The following PRUNE2 variants were observed in gnomAD, a reference collection of about 807,000 sequenced individuals.
PRUNE2 encodes the protein prune homolog 2 with BCH domain, also known as protein prune homolog 2.
A neutral mutation model predicts 252.0 loss-of-function variants in PRUNE2; 164 were observed. The ratio of observed to expected loss-of-function variants is 0.65; its 90% confidence interval spans 0.57 to 0.74. The LOEUF is 0.74. Ranked by LOEUF, PRUNE2 falls within the 30% of genes least tolerant of loss-of-function variation. The probability of loss-of-function intolerance (pLI) is 0.00; values close to 1 mark genes in which losing one functional copy is unlikely to be tolerated. For synonymous variants in PRUNE2, 1,292 were observed against 1,350.2 expected (o/e 0.96, Z 0.94); for missense variants, 3,495 against 3,711.0 (o/e 0.94, Z 1.51).
intron 6 of PRUNE2, among the ~76,000 whole-genome samples, chr9:76,799,249 G>C (rs1375007274): frequency 2.0e-5 from 3 of 151,702 alleles, no homozygotes; most frequent in Non-Finnish European, 4.4e-5. Flanking sequence ...GCTGAGGCAG[G>C]AGAATTGCTT....
At chr9:76,776,813 G>C (rs1438884795) in intron 6 of PRUNE2, among the ~76,000 whole-genome samples, 1 of 148,084 alleles carries the variant, frequency 6.8e-6, no homozygotes, top group Non-Finnish European at 1.5e-5. Flanking sequence ...ACTGTGTCCA[G>C]CCAGCAGTTT....
chr9:76,862,971 T>C (rs1434457495), intron 1 of PRUNE2: 1 of 152,250 alleles, frequency 6.6e-6, no homozygotes, highest in Non-Finnish European at 1.5e-5. Context: ...ACACAGTAAG[T>C]GTTCAATAAC....
At chr9:76,651,179 C>T (rs1053979524) in intron 11 of PRUNE2, among the ~76,000 whole-genome samples, 5 of 150,884 alleles carry the variant, frequency 3.3e-5, no homozygotes, top group African/African-American at 1.2e-4. Flanking sequence ...AGAACTTACT[C>T]ATGTAACCAA....
rs115531962 is a variant in PRUNE2 at position 76,780,809 on chromosome 9, T to C, written c.756+42823A>G. Among the ~76,000 whole-genome samples, 999 of 152,310 alleles carry C rather than the reference T, an allele frequency of 6.6e-3. 7 individuals are homozygous for C. The highest frequency in any genetic ancestry group is 0.023 in the African/African-American group (955 of 41,572). On this transcript the variant is annotated intron_variant, in intron 6 of 18. Coordinates refer to ENST00000376718, the MANE Select transcript of PRUNE2 (RefSeq NM_015225.3). ...CACAAAGACAGCTACTGAGAACCAA[T>C]GAGGAGCCAGCTCCTCCATCGTATC...
At chr9:76,715,223 T>C (rs905472798) in intron 6 of PRUNE2, among the ~76,000 whole-genome samples, 26 of 152,212 alleles carry the variant, frequency 1.7e-4, no homozygotes, top group African/African-American at 5.8e-4. Flanking sequence ...TGGTCATTCT[T>C]TGAAACTCGT....
At chr9:76,859,479 T>C (rs2060436746) in intron 1 of PRUNE2, among the ~76,000 whole-genome samples, 1 of 152,068 alleles carries the variant, frequency 6.6e-6, no homozygotes, top group African/African-American at 2.4e-5. Context: ...TCCACAGGCT[T>C]AGAAGCAAGG....
At chr9:76,821,587 A>G (rs564684296) in intron 6 of PRUNE2, among the ~76,000 whole-genome samples, 1 of 152,012 alleles carries the variant, frequency 6.6e-6, no homozygotes, top group African/African-American at 2.4e-5. Context: ...TAATATCCCC[A>G]TTATGCAAAA....
At chr9:76,883,846 T>C (rs1487795083) in intron 1 of PRUNE2, among the ~76,000 whole-genome samples, 1 of 152,198 alleles carries the variant, frequency 6.6e-6, no homozygotes, top group Non-Finnish European at 1.5e-5. Flanking sequence ...CTCCATCCCT[T>C]GAATCTAGAC....
At chr9:76,788,146 C>T (rs928748513) in intron 6 of PRUNE2, among the ~76,000 whole-genome samples, 2 of 152,304 alleles carry the variant, frequency 1.3e-5, no homozygotes, top group African/African-American at 4.8e-5. Flanking sequence ...TTATAACTCA[C>T]AGGACCTATT....
chr9:76,726,679 C>A (rs2048131887), intron 6 of PRUNE2, among the ~76,000 whole-genome samples: 2 of 152,126 alleles, frequency 1.3e-5, no homozygotes, highest in Non-Finnish European at 2.9e-5. Flanking sequence ...ACTATTTAAA[C>A]AATCCAGGAA....
intron 11 of PRUNE2, among the ~76,000 whole-genome samples, chr9:76,648,600 T>C (rs779123382): frequency 6.6e-6 from 1 of 152,204 alleles, no homozygotes; most frequent in Non-Finnish European, 1.5e-5. Context: ...ACATGGATTC[T>C]GGAAGAGGCA....
At chr9:76,693,549 T>G (rs1454836521) in intron 9 of PRUNE2, among the ~76,000 whole-genome samples, 2 of 151,164 alleles carry the variant, frequency 1.3e-5, no homozygotes, top group Non-Finnish European at 2.9e-5. Context: ...GTTCAATCGA[T>G]TCTCCTGCCT....
intron 6 of PRUNE2, among the ~76,000 whole-genome samples, chr9:76,818,431 C>T (rs1278040681): frequency 1.3e-5 from 2 of 152,084 alleles, no homozygotes; most frequent in African/African-American, 4.8e-5. Flanking sequence ...TAATGGAAAA[C>T]ATTAGTATTT....
At chr9:76,738,248 T>G (rs557599845) in intron 6 of PRUNE2, 2 of 152,280 alleles carry the variant, frequency 1.3e-5, no homozygotes, top group African/African-American at 4.8e-5. Flanking sequence ...GAGCTGACTG[T>G]TTAAACACGG....
chr9:76,787,791 C>T (rs2055147613), intron 6 of PRUNE2, among the ~76,000 whole-genome samples: 1 of 152,196 alleles, frequency 6.6e-6, no homozygotes, highest in East Asian at 1.9e-4. Context: ...CAGTCCTCTC[C>T]AATCCCGCCT....
At chr9:76,746,711 CAAAAAAAAAAAAA>C (rs57001696) in intron 6 of PRUNE2, among the ~76,000 whole-genome samples, 2 of 76,132 alleles carry the variant, frequency 2.6e-5, no homozygotes, top group South Asian at 5.9e-4. Flanking sequence ...GACTCCGTCT[CAAAAAAAAAAAAA>C]AAAAAAAAAA....
At chr9:76,858,576 GGGAGGGCAA>G (rs2060382008) in intron 1 of PRUNE2, among the ~76,000 whole-genome samples, 1 of 152,094 alleles carries the variant, frequency 6.6e-6, no homozygotes, top group East Asian at 1.9e-4. Flanking sequence ...CATAGACACA[GGGAGGGCAA>G]CATCACACAC....
chr9:76,818,130 A>G (rs2057805661), intron 6 of PRUNE2, among the ~76,000 whole-genome samples: 1 of 152,220 alleles, frequency 6.6e-6, no homozygotes, highest in Admixed American at 6.5e-5. Flanking sequence ...GACCAGTTCA[A>G]AACTAACATA....
chr9:76,725,313 C>T (rs904839350), intron 6 of PRUNE2, among the ~76,000 whole-genome samples: 1 of 152,180 alleles, frequency 6.6e-6, no homozygotes, highest in Non-Finnish European at 1.5e-5. Flanking sequence ...TCTTTTGTTC[C>T]TCACGCTCCT....
Sources: allele counts gnomAD v4.1 joint callset (sites outside exome capture counted in the v4.1 genomes callset), GRCh38; gene constraint gnomAD v4.1.1; transcripts MANE v1.5; gene names NCBI Gene and HGNC (gene_info 2026-07-23, HGNC 2026-07-21).